Variants in ZNF676 observed in about 807,000 individuals in gnomAD.
ZNF676 encodes zinc finger protein 676.
ZNF676 carries 4 observed loss-of-function variants against 6.0 expected under a neutral mutation model. That is an observed-to-expected ratio of 0.67 (90% confidence interval 0.33 to 1.53). The LOEUF is 1.53. Ranked by LOEUF, ZNF676 falls within the 40% of genes most tolerant of loss-of-function variation. The pLI, the probability that ZNF676 is intolerant of heterozygous loss-of-function variation, is 0.06. For synonymous variants in ZNF676, 198 were observed against 223.1 expected (o/e 0.89, Z 1.00); for missense variants, 644 against 679.7 (o/e 0.95, Z 0.58).
chr19:22,221,802 A>C, the ZNF676 span, among the ~76,000 whole-genome samples: 64,234 of 151,732 alleles, frequency 0.42, 14,399 homozygotes, highest in African/African-American at 0.57. Context: ...TCTATCTTGA[A>C]GAATGTTTTA....
the ZNF676 span, among the ~76,000 whole-genome samples, chr19:22,234,410 G>C: frequency 2.6e-5 from 4 of 152,140 alleles, no homozygotes; most frequent in Non-Finnish European, 5.9e-5. Context: ...GCTCAAGCCC[G>C]ATCACATATA....
At chr19:22,232,388 G>C in the ZNF676 span, among the ~76,000 whole-genome samples, 9 of 152,074 alleles carry the variant, frequency 5.9e-5, no homozygotes, top group African/African-American at 2.2e-4. Flanking sequence ...GGATGGTCTT[G>C]ATCTCTTGAC....
In ZNF676 at chr19:22,208,334, A is replaced by G. The variant is rs141573576; in HGVS notation, c.3+7298T>C. ...TTCAAAAGGAGACAAACATGTGGCT[A>G]ACAAGCATATAAAAAAATGCTCATC... is the stretch of plus-strand genomic sequence containing the variant. On this transcript the variant is annotated intron_variant, in intron 1 of 3. Coordinates refer to the ZNF676 transcript ENST00000650058. Among the ~76,000 whole-genome samples the G allele has an allele frequency of 6.6e-5, 10 of 152,114 alleles. No individual in the cohort carries two copies. In the East Asian group the frequency reaches 1.5e-3, roughly 23 times the overall value.
rs1243299645 is a variant in ZNF676, at chr19:22,181,315, C to T, written c.402G>A (p.Arg134=). The change falls in exon 3 of 3, where the codon AGG becomes AGA. Residue 134 remains arginine (R), a synonymous_variant. Coordinates refer to ENST00000397121, the MANE Select transcript of ZNF676 (RefSeq NM_001001411.3). ...KCSNSNRHKI[R]HTGEKGLKCK... is the part of the protein sequence containing the mutation. ...ATTTCAAACCTTTCTCTCCAGTATG[C>T]CTTATCTTATGTCTGTTTGAATTTG... The T allele has an allele frequency of 1.7e-5, 27 of 1,613,594 alleles. No homozygotes were observed. The highest frequency in any genetic ancestry group is 2.2e-5 in the East Asian group (1 of 44,844).
At chr19:22,234,575 A>G in the ZNF676 span, among the ~76,000 whole-genome samples, 2 of 152,166 alleles carry the variant, frequency 1.3e-5, no homozygotes, top group African/African-American at 2.4e-5. Context: ...GCCCAGTAAC[A>G]GGCCAAGAGT....
chr19:22,219,125 G>A (rs1474758702), upstream of ZNF676, among the ~76,000 whole-genome samples: 2 of 150,286 alleles, frequency 1.3e-5, no homozygotes, highest in African/African-American at 4.9e-5. Context: ...TTGAGACAAG[G>A]TCTTACTCTG....
intron 1 of ZNF676, among the ~76,000 whole-genome samples, chr19:22,213,831 T>C (rs1292784138): frequency 2.0e-5 from 3 of 152,148 alleles, no homozygotes; most frequent in Non-Finnish European, 4.4e-5. Context: ...TCTTGGTTTT[T>C]CCCCAGACAG....
the ZNF676 span, among the ~76,000 whole-genome samples, chr19:22,238,333 G>T: frequency 2.0e-5 from 3 of 152,128 alleles, no homozygotes; most frequent in Non-Finnish European, 1.5e-5. Context: ...TTACAGGTGT[G>T]AGCCACCATG....
At position 22,181,145 on chromosome 19, in the gene ZNF676, T is replaced by C. The variant is rs1215098315; in HGVS notation, c.572A>G (p.His191Arg). The C allele has an allele frequency of 8.1e-6, 13 of 1,613,984 alleles. No individual in the cohort carries two copies. Among genetic ancestry groups the C allele is most frequent in the Non-Finnish European group, 1.1e-5 (13 of 1,179,938 alleles). Residue 191 changes from histidine (H) to arginine (R), a missense_variant, in exon 3 of 3, where the codon CAT (histidine) becomes CGT (arginine). Physicochemically the swap from His to Arg is conservative, Grantham distance 29 (BLOSUM62 0). Around this residue, in one of 5 missense-constraint regions of ZNF676, gnomAD observed 280 missense variants for 269.3 expected, o/e 1.04. Transcript: ENST00000397121. ...ACATTTGTAGGGTTTCTCTCCAGTA[T>C]GAATACTCTTATAATAAGTAAGGGT... ...SSTLTYYKSI[H>R]TGEKPYKCEE...
At chr19:22,209,091 C>G (rs976699341) in intron 1 of ZNF676, among the ~76,000 whole-genome samples, 1 of 151,998 alleles carries the variant, frequency 6.6e-6, no homozygotes, top group East Asian at 1.9e-4. Context: ...ATGGCAAAAC[C>G]CCATCTATAC....
the ZNF676 span, among the ~76,000 whole-genome samples, chr19:22,228,617 G>T: frequency 6.6e-6 from 1 of 152,106 alleles, no homozygotes; most frequent in Non-Finnish European, 1.5e-5. Flanking sequence ...CATCATCTCC[G>T]CCCCAAATCT....
At chr19:22,201,204 G>A (rs1199473161), upstream of ZNF676, among the ~76,000 whole-genome samples, 1 of 152,146 alleles carries the variant, frequency 6.6e-6, no homozygotes, top group Non-Finnish European at 1.5e-5. Context: ...TTGTGGTGTG[G>A]CTCTGGATAC....
At chr19:22,221,395 T>C in the ZNF676 span, among the ~76,000 whole-genome samples, 2 of 152,174 alleles carry the variant, frequency 1.3e-5, no homozygotes, top group African/African-American at 4.8e-5. Context: ...CCTATTTGAA[T>C]TGATTTCTAA....
At chr19:22,199,581 A>G (rs921666447), upstream of ZNF676, among the ~76,000 whole-genome samples, 27 of 152,198 alleles carry the variant, frequency 1.8e-4, no homozygotes, top group African/African-American at 5.8e-4. Context: ...GCTTTAAAGG[A>G]CCCAGCATTT....
the ZNF676 span, among the ~76,000 whole-genome samples, chr19:22,230,182 G>A: frequency 1.3e-5 from 2 of 152,170 alleles, no homozygotes; most frequent in African/African-American, 4.8e-5. Context: ...ACAAGGATGA[G>A]TTCATGTTCT....
chr19:22,215,750 G>C (rs1157888114), exon 1 of ZNF676: 9 of 1,342,104 alleles, frequency 6.7e-6, no homozygotes, highest in Non-Finnish European at 8.2e-6. Context: ...TTTACCTCCG[G>C]CTGCAGCGAG....
At chr19:22,209,063 A>C (rs1475323344) in intron 1 of ZNF676, among the ~76,000 whole-genome samples, 1 of 152,162 alleles carries the variant, frequency 6.6e-6, no homozygotes. Context: ...TCAGGAGTTC[A>C]AGACCAGCCT....
chr19:22,236,337 C>A, the ZNF676 span, among the ~76,000 whole-genome samples: 1 of 152,104 alleles, frequency 6.6e-6, no homozygotes, highest in African/African-American at 2.4e-5. Flanking sequence ...ACTTGATCAA[C>A]TGTAAGTTGG....
upstream of ZNF676, among the ~76,000 whole-genome samples, chr19:22,199,291 G>A (rs984407493): frequency 6.6e-6 from 1 of 152,152 alleles, no homozygotes; most frequent in Non-Finnish European, 1.5e-5. Context: ...AGAGAAATGA[G>A]GCAGAACACA....
Sources: allele counts gnomAD v4.1 joint callset (sites outside exome capture counted in the v4.1 genomes callset), GRCh38; gene constraint gnomAD v4.1.1; regional missense constraint gnomAD v4.1.1; transcripts MANE v1.5; gene names NCBI Gene and HGNC (gene_info 2026-07-23, HGNC 2026-07-21).